ERGIC1: variants seen among roughly 807,000 people sequenced by gnomAD.
ERGIC1 encodes endoplasmic reticulum-golgi intermediate compartment 1.
In ERGIC1, 19 loss-of-function variants were observed where a neutral mutation model predicts 38.3. That is an observed-to-expected ratio of 0.50 (90% CI 0.35 to 0.73). The LOEUF (loss-of-function observed/expected upper bound fraction) is 0.73, where lower values mean the gene tolerates loss of function less well. Ranked by LOEUF, ERGIC1 falls within the 30% of genes least tolerant of loss-of-function variation. The pLI, the probability that ERGIC1 is intolerant of heterozygous loss-of-function variation, is 0.01. For synonymous variants in ERGIC1, 124 were observed against 157.6 expected (o/e 0.79, Z 1.60); for missense variants, 294 against 389.2 (o/e 0.76, Z 2.06).
intron 5 of ERGIC1, chr5:172,915,503 T>C (rs2113412458): frequency 2.2e-6 from 1 of 457,744 alleles, no homozygotes; most frequent in Non-Finnish European, 4.6e-6. Flanking sequence ...AGGTTCACTG[T>C]TGTTTTGTCC....
intron 2 of ERGIC1, among the ~76,000 whole-genome samples, chr5:172,893,618 A>G (rs1762623137): frequency 6.6e-6 from 1 of 151,916 alleles, no homozygotes; most frequent in African/African-American, 2.4e-5. Context: ...AAGAGGTTTA[A>G]TAGCCTCAGT....
chr5:172,902,108 C>G (rs1762897535), intron 3 of ERGIC1, among the ~76,000 whole-genome samples: 2 of 152,252 alleles, frequency 1.3e-5, no homozygotes, highest in Non-Finnish European at 1.5e-5. Context: ...CCCCACTTCC[C>G]TGGCCCCAGC....
intron 7 of ERGIC1, 98 bp from the exon 8 acceptor site, chr5:172,932,338 C>T: frequency 3.3e-6 from 4 of 1,217,388 alleles, no homozygotes; most frequent in Non-Finnish European, 4.7e-6. Context: ...GAGCCCCCTG[C>T]CGTGCCCAGG....
intron 1 of ERGIC1, among the ~76,000 whole-genome samples, chr5:172,881,640 T>G (rs897937950): frequency 1.3e-5 from 2 of 152,242 alleles, no homozygotes. Flanking sequence ...CAAATGGGCC[T>G]GATTTGTCCC....
chr5:172,917,925 T>C (rs1289862249), intron 5 of ERGIC1: 3 of 152,184 alleles, frequency 2.0e-5, no homozygotes, highest in Non-Finnish European at 4.4e-5. Flanking sequence ...TCCCAGCACT[T>C]TGGGAGGCCA....
At chr5:172,893,868 GATATATATATATATATATATATATAT>G (rs1191189327) in intron 2 of ERGIC1, among the ~76,000 whole-genome samples, 4 of 28,252 alleles carry the variant, frequency 1.4e-4, no homozygotes, top group South Asian at 2.3e-3. Flanking sequence ...CACTTAGGGG[GATATATATATATATATATATATATAT>G]ATATATATAT....
At chr5:172,888,239 C>T (rs889907335) in intron 1 of ERGIC1, among the ~76,000 whole-genome samples, 38 of 152,204 alleles carry the variant, frequency 2.5e-4, no homozygotes, top group African/African-American at 8.4e-4. Context: ...GTGGGCAGAT[C>T]GGTTGAGCTT....
chr5:172,859,374 A>C (rs1338993239), intron 1 of ERGIC1, among the ~76,000 whole-genome samples: 12 of 147,292 alleles, frequency 8.1e-5, no homozygotes, highest in African/African-American at 2.6e-4. Context: ...TGTCCCACCC[A>C]CCCCCAACTC....
At chr5:172,893,891 A>ATATATGTGTGTGTGTGTGTG (rs1762633756) in intron 2 of ERGIC1, among the ~76,000 whole-genome samples, 1 of 19,654 alleles carries the variant, frequency 5.1e-5, no homozygotes, top group African/African-American at 1.1e-4. Context: ...ATATATATAT[A>ATATATGTGTGTGTGTGTGTG]TATATATATA....
intron 3 of ERGIC1, among the ~76,000 whole-genome samples, chr5:172,898,816 C>T (rs13165051): frequency 4.6e-5 from 7 of 151,922 alleles, no homozygotes; most frequent in African/African-American, 1.7e-4. Context: ...TTTATTCCCC[C>T]CAGGCCTCTA....
intron 1 of ERGIC1, among the ~76,000 whole-genome samples, chr5:172,875,103 G>C (rs1364908490): frequency 6.6e-6 from 1 of 152,146 alleles, no homozygotes; most frequent in Non-Finnish European, 1.5e-5. Flanking sequence ...AGAAAGTCAA[G>C]GGCTTTCCAT....
chr5:172,909,434 A>T (rs1763151098), intron 3 of ERGIC1, among the ~76,000 whole-genome samples: 1 of 151,836 alleles, frequency 6.6e-6, no homozygotes, highest in Admixed American at 6.6e-5. Context: ...TGCTGGGATA[A>T]CAGGCATGAG....
At chr5:172,914,254 A>AAAAAAAAAAAAAAT (rs796565475) in intron 4 of ERGIC1, among the ~76,000 whole-genome samples, 2 of 131,236 alleles carry the variant, frequency 1.5e-5, no homozygotes, top group African/African-American at 2.9e-5. Context: ...AAAAAAAAAA[A>AAAAAAAAAAAAAAT]AAATACAAAG....
intron 3 of ERGIC1, 48 bp downstream of exon 3, chr5:172,897,122 C>A (rs371441428): frequency 3.5e-5 from 56 of 1,585,146 alleles, no homozygotes; most frequent in Non-Finnish European, 4.6e-5. Flanking sequence ...TCTGGGACCC[C>A]AGACAAGAAG....
At chr5:172,942,170 G>A (rs929183108) in intron 9 of ERGIC1, among the ~76,000 whole-genome samples, 1 of 152,032 alleles carries the variant, frequency 6.6e-6, no homozygotes, top group African/African-American at 2.4e-5. Flanking sequence ...CTCTAGCCTG[G>A]GCGACAGAGC....
intron 1 of ERGIC1, among the ~76,000 whole-genome samples, chr5:172,847,082 G>A (rs1430427432): frequency 6.6e-6 from 1 of 152,168 alleles, no homozygotes; most frequent in Non-Finnish European, 1.5e-5. Flanking sequence ...CTTGATGACT[G>A]CTCATGAAGT....
chr5:172,950,633 T>C (rs1308952683), intron 9 of ERGIC1, 76 bp from the exon 10 acceptor site: 66 of 1,293,740 alleles, frequency 5.1e-5, no homozygotes, highest in Non-Finnish European at 6.9e-5. Context: ...CATCTCATGA[T>C]GTGGGAGGGG....
At chr5:172,914,388 A>C (rs1052668620) in intron 4 of ERGIC1, among the ~76,000 whole-genome samples, 10 of 152,160 alleles carry the variant, frequency 6.6e-5, no homozygotes, top group African/African-American at 2.4e-4. Flanking sequence ...GGGTTCAATT[A>C]TGGTCAGCCC....
intron 3 of ERGIC1, chr5:172,906,289 T>C (rs1763021656): frequency 2.5e-6 from 1 of 396,786 alleles, no homozygotes; most frequent in Non-Finnish European, 5.0e-6. Flanking sequence ...GCCTGAGCTG[T>C]GGAAAGGCTG....
Sources: allele counts gnomAD v4.1 joint callset (sites outside exome capture counted in the v4.1 genomes callset), GRCh38; gene constraint gnomAD v4.1.1; transcripts MANE v1.5; gene names NCBI Gene and HGNC (gene_info 2026-07-23, HGNC 2026-07-21).